The following ENKUR variants were observed in gnomAD, a reference collection of about 807,000 sequenced individuals.
ENKUR encodes the protein enkurin, TRPC channel interacting protein.
ENKUR carries 19 observed loss-of-function variants against 27.6 expected under a neutral mutation model. The observed-to-expected ratio is 0.69, with a 90% CI of 0.48 to 1.01. ENKUR has a LOEUF of 1.01. ENKUR is among the 50% of genes least tolerant of loss of function. ENKUR has a pLI of 0.00. For synonymous variants in ENKUR, 117 were observed against 96.9 expected (o/e 1.21, Z -1.22); for missense variants, 312 against 310.5 (o/e 1.00, Z -0.04).
At chr10:24,990,380 T>A in intron 4 of ENKUR, 83 bp downstream of exon 4, 1 of 1,501,652 alleles carries the variant, frequency 6.7e-7, no homozygotes, top group Non-Finnish European at 8.9e-7. Context: ...AAGTGCTGAC[T>A]TTAATCATCA....
intron 2 of ENKUR, among the ~76,000 whole-genome samples, chr10:25,034,415 A>G (rs1191907519): frequency 6.6e-6 from 1 of 152,206 alleles, no homozygotes; most frequent in Non-Finnish European, 1.5e-5. Context: ...AGATGTGAAA[A>G]AAATAGTATT....
chr10:24,995,977 T>A, intron 2 of ENKUR, 108 bp from the exon 3 acceptor site: 1 of 837,226 alleles, frequency 1.2e-6, no homozygotes. Context: ...GTTGCAGTCA[T>A]AATATATTTA....
intron 1 of ENKUR, among the ~76,000 whole-genome samples, chr10:25,007,637 T>C (rs189590832): frequency 6.6e-6 from 1 of 152,138 alleles, no homozygotes; most frequent in Non-Finnish European, 1.5e-5. Context: ...GGTTTCACCA[T>C]GTTAGCCAGG....
At chr10:25,030,636 T>A (rs937622838) in intron 2 of ENKUR, among the ~76,000 whole-genome samples, 1 of 152,224 alleles carries the variant, frequency 6.6e-6, no homozygotes, top group Admixed American at 6.5e-5. Context: ...TTTGTTTTGC[T>A]GCTGGAGCAC....
intron 3 of ENKUR, among the ~76,000 whole-genome samples, chr10:24,992,839 C>T (rs140778341): frequency 3.3e-5 from 5 of 152,272 alleles, no homozygotes; most frequent in African/African-American, 4.8e-5. Flanking sequence ...CTCTGGGAGG[C>T]CAGTATTCTG....
chr10:25,017,257 C>T (rs1850619954), upstream of ENKUR, among the ~76,000 whole-genome samples: 1 of 152,146 alleles, frequency 6.6e-6, no homozygotes, highest in African/African-American at 2.4e-5. Flanking sequence ...GGTTTTATTC[C>T]TTTTTGTTCC....
At chr10:25,055,920 T>C (rs1851250935) in intron 2 of ENKUR, among the ~76,000 whole-genome samples, 1 of 151,494 alleles carries the variant, frequency 6.6e-6, no homozygotes, top group Non-Finnish European at 1.5e-5. Flanking sequence ...TCTTCTGCAG[T>C]CGTTGTTTTC....
chr10:25,046,562 A>G (rs543271992), intron 2 of ENKUR, among the ~76,000 whole-genome samples: 1 of 152,302 alleles, frequency 6.6e-6, no homozygotes, highest in South Asian at 2.1e-4. Context: ...ACCATGGGCA[A>G]GTGATTTAAT....
intron 2 of ENKUR, chr10:25,024,478 C>T (rs1242267450): frequency 6.2e-7 from 1 of 1,614,136 alleles, no homozygotes. Flanking sequence ...TCAAAAAGCA[C>T]AAATAATTGG....
At chr10:25,055,331 A>T (rs917531590) in intron 2 of ENKUR, among the ~76,000 whole-genome samples, 1 of 140,588 alleles carries the variant, frequency 7.1e-6, no homozygotes, top group Non-Finnish European at 1.6e-5. Context: ...GGCCACTTCT[A>T]AAAAAAAAAA....
At chr10:25,034,808 CAA>C (rs1195832077) in intron 2 of ENKUR, among the ~76,000 whole-genome samples, 2 of 152,096 alleles carry the variant, frequency 1.3e-5, no homozygotes, top group African/African-American at 4.8e-5. Context: ...GTCATCAGTT[CAA>C]GAGATACCCC....
chr10:25,013,955 A>G (rs1413504906), intron 1 of ENKUR, among the ~76,000 whole-genome samples: 1 of 132,924 alleles, frequency 7.5e-6, no homozygotes, highest in Non-Finnish European at 1.6e-5. Context: ...AAAAAAAGTA[A>G]TTAAAAAAAA....
In ENKUR at chr10:24,996,620, A is replaced by G. The variant is rs1443432777; in HGVS notation, c.224-751T>C. Among the ~76,000 whole-genome samples the G allele has an allele frequency of 2.9e-4, 44 of 152,212 alleles. 2 individuals are homozygous for G. On this transcript the variant is annotated intron_variant, in intron 2 of 5. Transcript: ENST00000331161. ...AAATGTGAAATAATTTATTTTTAAG[A>G]ACTGAAAGCAACAACTGTCTTGAAA...
At position 24,984,248 on chromosome 10, in the gene ENKUR, C is replaced by A; in HGVS notation, c.*122G>T. On this transcript the variant is annotated 3_prime_UTR_variant, in exon 6 of 6. Coordinates refer to ENST00000331161, the MANE Select transcript of ENKUR (RefSeq NM_145010.4). ...AAATGTCATGGGCCACAGGAAAATA[C>A]ATCTTTTGCATTTGTGGAGCTCAGA... The A allele has an allele frequency of 9.0e-7, 1 of 1,113,486 alleles. No homozygotes were observed. Among genetic ancestry groups the A allele is most frequent in the African/African-American group, 1.6e-5 (1 of 63,480 alleles). The allele number at this position is 1,113,486 out of a possible 1,614,324, so 69.0% of individuals were successfully genotyped here. A position where few individuals can be genotyped will look rare whatever the true frequency, so the allele number is the denominator to read the frequency against.
rs555250932 is a variant in ENKUR, at chr10:25,036,298, G to C, written c.37+24814C>G. On this transcript the variant is annotated intron_variant, in intron 2 of 5. Coordinates refer to the ENKUR transcript ENST00000615958. ...TTATAAGGGGAAACCCATTTTGCTT[G>C]GTCCTCATTCTCTCATCTGCTGTCA... 4.5e-3 allele frequency among the ~76,000 whole-genome samples: 686 copies of C among 152,180 alleles called. 4 individuals are homozygous for C. The highest frequency in any genetic ancestry group is 0.034 in the South Asian group (162 of 4,818).
intron 1 of ENKUR, among the ~76,000 whole-genome samples, chr10:25,002,253 G>T (rs954540231): frequency 2.6e-5 from 4 of 152,154 alleles, no homozygotes; most frequent in Admixed American, 1.3e-4. Context: ...ACTTGGCCTT[G>T]GTTGTTTCAT....
chr10:24,988,906 G>A (rs547125798), intron 4 of ENKUR, among the ~76,000 whole-genome samples: 10 of 151,726 alleles, frequency 6.6e-5, no homozygotes, highest in African/African-American at 9.7e-5. Context: ...CTCAGGGCTC[G>A]TCAGGAGGCC....
At chr10:25,061,637 A>G (rs1020453147) in intron 1 of ENKUR, among the ~76,000 whole-genome samples, 1 of 152,192 alleles carries the variant, frequency 6.6e-6, no homozygotes, top group African/African-American at 2.4e-5. Flanking sequence ...GAAAATCAAC[A>G]TGTTTCTCTT....
At chr10:24,985,737 A>C (rs1849763528) in intron 4 of ENKUR, among the ~76,000 whole-genome samples, 1 of 152,218 alleles carries the variant, frequency 6.6e-6, no homozygotes, top group Non-Finnish European at 1.5e-5. Context: ...ATTCAATGAA[A>C]TTTTATAAGT....
Sources: gnomAD v4.1 joint callset for allele counts (sites outside exome capture counted in the v4.1 genomes callset) on GRCh38, gnomAD v4.1.1 for gene constraint, MANE v1.5 for transcripts, NCBI Gene and HGNC (gene_info 2026-07-23, HGNC 2026-07-21) for gene names.